PCDHA9: variants seen among roughly 807,000 people sequenced by gnomAD.
PCDHA9 encodes protocadherin alpha-9.
PCDHA9 carries 62 observed loss-of-function variants against 62.0 expected under a neutral mutation model. The ratio of observed to expected loss-of-function variants is 1.00; its 90% CI spans 0.81 to 1.23. The LOEUF (loss-of-function observed/expected upper bound fraction) is 1.23. PCDHA9 is among the 50% of genes most tolerant of loss of function. The pLI, the probability that PCDHA9 is intolerant of heterozygous loss-of-function variation, is 0.00. For synonymous variants in PCDHA9, 557 were observed against 567.6 expected (o/e 0.98, Z 0.27); for missense variants, 1,205 against 1,249.8 (o/e 0.96, Z 0.54).
At chr5:140,975,200 C>T (rs1469690831) in intron 1 of PCDHA9, among the ~76,000 whole-genome samples, 1 of 152,224 alleles carries the variant, frequency 6.6e-6, no homozygotes, top group Non-Finnish European at 1.5e-5. Context: ...GCTCCATCTT[C>T]ATGGCTGGCA....
At chr5:140,980,279 AAAAGTACC>A (rs1554241598) in intron 2 of PCDHA9, among the ~76,000 whole-genome samples, 2 of 152,236 alleles carry the variant, frequency 1.3e-5, no homozygotes, top group African/African-American at 4.8e-5. Flanking sequence ...CCAACTCTTG[AAAAGTACC>A]AAAGCTATGA....
chr5:140,989,019 T>C (rs1429425323), intron 3 of PCDHA9: 1 of 152,238 alleles, frequency 6.6e-6, no homozygotes, highest in East Asian at 1.9e-4. Context: ...TATAGTTTCT[T>C]CAGTTATCAT....
chr5:140,935,144 A>C (rs1289868558), intron 1 of PCDHA9, among the ~76,000 whole-genome samples: 1 of 152,184 alleles, frequency 6.6e-6, no homozygotes, highest in Non-Finnish European at 1.5e-5. Flanking sequence ...TGATACTTAG[A>C]GATATAATCT....
At chr5:140,870,390 G>T (rs377600629) in intron 1 of PCDHA9, 248 of 1,614,112 alleles carry the variant, frequency 1.5e-4, no homozygotes, top group Non-Finnish European at 1.8e-4. Context: ...CGCGGGATGG[G>T]GGTTCGCCTT....
At chr5:140,945,000 G>T (rs980802301) in intron 1 of PCDHA9, among the ~76,000 whole-genome samples, 2 of 151,862 alleles carry the variant, frequency 1.3e-5, no homozygotes. Flanking sequence ...AACGGTTGTG[G>T]GTCATGAATT....
chr5:140,967,084 TC>T, intron 1 of PCDHA9: 2 of 1,613,270 alleles, frequency 1.2e-6, no homozygotes, highest in African/African-American at 2.7e-5. Flanking sequence ...AGCGCATTGA[TC>T]GGGAGGCGCT....
At chr5:140,926,598 G>A (rs2083387215) in intron 1 of PCDHA9, 1 of 313,802 alleles carries the variant, frequency 3.2e-6, no homozygotes. Flanking sequence ...CGGGCGGGCG[G>A]CCTCGTCTCT....
In PCDHA9 at chr5:140,863,490, A is replaced by C. The variant is rs149382847; in HGVS notation, c.2394+12601A>C. ...TGGAGAGTCGCCTCCCAAGGTCAAC[A>C]TTACGGCTTTTAGTCCTAGTGTTCT... is the stretch of plus-strand genomic sequence containing the variant. On this transcript the variant is annotated intron_variant, in intron 1 of 3. Coordinates refer to ENST00000532602, the MANE Select transcript of PCDHA9 (RefSeq NM_031857.2). 1.5e-4 allele frequency: 69 copies of C among 449,374 alleles called. No homozygotes were observed. In the East Asian group the frequency reaches 3.4e-3, roughly 22 times the overall value. 27.8% of individuals were successfully genotyped at this position (449,374 alleles called of 1,614,324 possible). A position where few individuals can be genotyped will look rare whatever the true frequency, so the allele number is the denominator to read the frequency against.
intron 1 of PCDHA9, chr5:140,868,993 T>C (rs1441909187): frequency 1.3e-6 from 2 of 1,515,702 alleles, no homozygotes; most frequent in Non-Finnish European, 8.8e-7. Context: ...TGCCACCGTT[T>C]AAGGATCCTT....
chr5:140,863,076 G>C (rs782126148), intron 1 of PCDHA9: 2 of 570,034 alleles, frequency 3.5e-6, no homozygotes, highest in South Asian at 2.7e-5. Context: ...GGCTCTGCAC[G>C]GGCGAGATCA....
chr5:140,881,443 G>T (rs1554172114), intron 1 of PCDHA9: 1 of 818,602 alleles, frequency 1.2e-6, no homozygotes, highest in Non-Finnish European at 1.5e-6. Flanking sequence ...TATAAAAACA[G>T]AATCCAAAAC....
In PCDHA9 at chr5:140,857,592, A is replaced by G. The variant is rs782473553; in HGVS notation, c.2394+6703A>G. On this transcript the variant is annotated intron_variant, in intron 1 of 3. Coordinates refer to ENST00000532602, the MANE Select transcript of PCDHA9 (RefSeq NM_031857.2). ...GTGTCGGTGCACGCGGAGAGCGGCA[A>G]GGTGTACGCGCTGCAGCCGCTGGAC... 5 of 1,596,098 alleles carry G rather than the reference A, an allele frequency of 3.1e-6. No individual in the cohort carries two copies. In the African/African-American group the frequency reaches 6.7e-5, roughly 21 times the overall value.
At chr5:140,899,789 G>A (rs1200461877) in intron 1 of PCDHA9, among the ~76,000 whole-genome samples, 17 of 152,024 alleles carry the variant, frequency 1.1e-4, no homozygotes, top group Admixed American at 9.8e-4. Context: ...GGTATAATTC[G>A]GCTGTGAATC....
At chr5:140,884,820 T>A (rs1318105542) in intron 1 of PCDHA9, 2 of 1,013,184 alleles carry the variant, frequency 2.0e-6, no homozygotes, top group Non-Finnish European at 2.8e-6. Context: ...GTGGACATTA[T>A]GTGTTGGATT....
chr5:140,858,380 C>G, intron 1 of PCDHA9: 1 of 1,583,962 alleles, frequency 6.3e-7, no homozygotes, highest in South Asian at 1.1e-5. Context: ...TCCACCATGC[C>G]CAATGGTAGA....
chr5:140,940,073 A>G (rs1197351000), intron 1 of PCDHA9, among the ~76,000 whole-genome samples: 1 of 152,182 alleles, frequency 6.6e-6, no homozygotes, highest in Non-Finnish European at 1.5e-5. Context: ...AATATGTGAT[A>G]TCTTTCTGCT....
At chr5:140,852,885 AT>A (rs2150523673) in intron 1 of PCDHA9, 17,743 of 732,756 alleles carry the variant, frequency 0.024, 6 homozygotes, top group Non-Finnish European at 0.027. Flanking sequence ...CATAAAACGT[AT>A]TTTTTTTTTT....
chr5:140,950,556 A>G (rs2094497175), intron 1 of PCDHA9, among the ~76,000 whole-genome samples: 2 of 152,036 alleles, frequency 1.3e-5, no homozygotes, highest in Non-Finnish European at 2.9e-5. Context: ...CTGGGGGGAC[A>G]CTTATTTTAA....
rs2052480735 is a variant in PCDHA9 at position 140,870,867 on chromosome 5, C to A, written c.2394+19978C>A. 5 of 1,613,908 alleles carry A rather than the reference C, an allele frequency of 3.1e-6. No individual in the cohort carries two copies. The East Asian group carries it at 8.9e-5, about 29-fold the overall frequency. ...TACCGCGGTCGGTGGGTGCGGGCCACGTGGTGGCGAAGGTGCGCGCAGTGG... is the reference window on the plus strand; with the variant it reads ...TACCGCGGTCGGTGGGTGCGGGCCAAGTGGTGGCGAAGGTGCGCGCAGTGG... On this transcript the variant is annotated intron_variant, in intron 1 of 3. Transcript: ENST00000532602.
Sources: allele counts gnomAD v4.1 joint callset (sites outside exome capture counted in the v4.1 genomes callset), GRCh38; gene constraint gnomAD v4.1.1; transcripts MANE v1.5; gene names NCBI Gene and HGNC (gene_info 2026-07-23, HGNC 2026-07-21).